The following NRXN1 variants were observed in gnomAD, a reference collection of about 807,000 sequenced individuals.
NRXN1 encodes neurexin-1.
NRXN1 carries 39 observed loss-of-function variants against 150.9 expected under a neutral mutation model. That is an observed-to-expected ratio of 0.26 (90% CI 0.20 to 0.34). The LOEUF is 0.34. NRXN1 is among the 10% of genes least tolerant of loss of function. The pLI, the probability that NRXN1 is intolerant of heterozygous loss-of-function variation, is 1.00. For missense variants in NRXN1, 1,815 were observed against 1,949.9 expected (o/e 0.93, Z 1.30); for synonymous variants, 924 against 757.0 (o/e 1.22, Z -3.62).
intron 5 of NRXN1, among the ~76,000 whole-genome samples, chr2:50,684,269 G>C (rs562306880): frequency 1.3e-5 from 2 of 152,286 alleles, no homozygotes; most frequent in East Asian, 3.9e-4. Flanking sequence ...GGCCAAGTCA[G>C]AGGCAGGTGG....
intron 21 of NRXN1, among the ~76,000 whole-genome samples, chr2:50,032,720 G>T (rs896723689): frequency 4.0e-5 from 6 of 151,852 alleles, no homozygotes; most frequent in African/African-American, 1.2e-4. Flanking sequence ...GTGTCCTTAT[G>T]AGAATAAAAA....
intron 2 of NRXN1, among the ~76,000 whole-genome samples, chr2:51,023,618 A>AATTT (rs1266921136): frequency 1.3e-5 from 2 of 152,218 alleles, no homozygotes; most frequent in African/African-American, 4.8e-5. Context: ...CCACAGTTTT[A>AATTT]AGCTTCATTT....
chr2:50,886,408 G>C (rs903984681), intron 5 of NRXN1, among the ~76,000 whole-genome samples: 14 of 151,250 alleles, frequency 9.3e-5, no homozygotes, highest in Non-Finnish European at 4.4e-5. Context: ...TGGCTTGTTT[G>C]TTTTATATAA....
chr2:50,171,065 G>T (rs1026450200), intron 18 of NRXN1, among the ~76,000 whole-genome samples: 7 of 152,226 alleles, frequency 4.6e-5, no homozygotes, highest in African/African-American at 1.4e-4. Flanking sequence ...ACTTCATTAG[G>T]TGGAAATTAA....
chr2:50,708,899 T>C (rs537481071), intron 5 of NRXN1, among the ~76,000 whole-genome samples: 1 of 152,280 alleles, frequency 6.6e-6, no homozygotes, highest in Admixed American at 6.5e-5. Flanking sequence ...CTTCCAGCCA[T>C]AGCTCAATCC....
At position 50,660,209 on chromosome 2, in the gene NRXN1, T is replaced by A. The variant is rs147593362; in HGVS notation, c.833-36594A>T. Among the ~76,000 whole-genome samples the A allele has an allele frequency of 1.4e-3, 209 of 152,126 alleles. 1 individual carries two copies. The highest frequency in any genetic ancestry group is 4.7e-3 in the African/African-American group (196 of 41,536). Reference sequence around the variant, plus strand: ...ATATTCTTTGTGGTAACTTTCAACATCCCCATTTCACAGATGAGGAAATAG... The same window carrying A: ...ATATTCTTTGTGGTAACTTTCAACAACCCCATTTCACAGATGAGGAAATAG... On this transcript the variant is annotated intron_variant, in intron 5 of 22. Coordinates refer to ENST00000401669, the MANE Select transcript of NRXN1 (RefSeq NM_001330078.2).
intron 17 of NRXN1, among the ~76,000 whole-genome samples, chr2:50,278,262 TATTATATATGTATTATATATATA>T (rs2070868889): frequency 9.7e-6 from 1 of 103,098 alleles, no homozygotes; most frequent in Non-Finnish European, 1.8e-5. Context: ...ATATTATATA[TATTATATATGTATTATATATATA>T]ATACATATAT....
chr2:50,494,540 T>G (rs1408161838), intron 15 of NRXN1, among the ~76,000 whole-genome samples: 1 of 152,194 alleles, frequency 6.6e-6, no homozygotes, highest in Non-Finnish European at 1.5e-5. Context: ...GCCAAGCTAT[T>G]AGATTTGTGG....
intron 5 of NRXN1, among the ~76,000 whole-genome samples, chr2:50,870,029 A>C (rs1311026252): frequency 6.6e-6 from 1 of 151,876 alleles, no homozygotes; most frequent in Non-Finnish European, 1.5e-5. Flanking sequence ...TCATTTCTAC[A>C]TTCTAGGTAC....
At chr2:50,707,117 G>A (rs957051763) in intron 5 of NRXN1, among the ~76,000 whole-genome samples, 13 of 152,102 alleles carry the variant, frequency 8.5e-5, no homozygotes, top group African/African-American at 3.1e-4. Context: ...AGGAAAATAG[G>A]TGTGTATGTA....
At chr2:50,756,033 A>G (rs1178225372) in intron 5 of NRXN1, among the ~76,000 whole-genome samples, 1 of 151,832 alleles carries the variant, frequency 6.6e-6, no homozygotes, top group Non-Finnish European at 1.5e-5. Context: ...GAACAGGCCT[A>G]CTTAATTTGA....
chr2:50,807,691 C>T (rs990985872), intron 5 of NRXN1, among the ~76,000 whole-genome samples: 4 of 152,082 alleles, frequency 2.6e-5, no homozygotes, highest in African/African-American at 9.7e-5. Flanking sequence ...TAGATCTGAC[C>T]TAACAATGAT....
rs1182597962 is a variant in NRXN1, at chr2:50,436,449, G to T, written c.3364+28993C>A. On this transcript the variant is annotated intron_variant, in intron 17 of 22. Coordinates refer to ENST00000401669, the MANE Select transcript of NRXN1 (RefSeq NM_001330078.2). ...GCCTGGGCAACAAGAGTGAAACTCCGTCTCAAGGAAAAAAAAAAAAAATAC... is the reference window on the plus strand; with the variant it reads ...GCCTGGGCAACAAGAGTGAAACTCCTTCTCAAGGAAAAAAAAAAAAAATAC... Among the ~76,000 whole-genome samples, 5 of 140,294 alleles carry T rather than the reference G, an allele frequency of 3.6e-5. No individual in the cohort carries two copies. In the South Asian group the frequency reaches 1.2e-3, roughly 32 times the overall value. 92.0% of individuals were successfully genotyped at this position (140,294 alleles called of 152,430 possible).
intron 17 of NRXN1, among the ~76,000 whole-genome samples, chr2:50,281,533 A>G (rs1326707807): frequency 6.6e-6 from 1 of 152,002 alleles, no homozygotes; most frequent in Non-Finnish European, 1.5e-5. Flanking sequence ...GAGAAAACAC[A>G]TTAGAAAATA....
chr2:49,923,210 A>T (rs17039452), intron 22 of NRXN1, among the ~76,000 whole-genome samples: 21,970 of 152,036 alleles, frequency 0.14, 2,074 homozygotes, highest in East Asian at 0.23. Context: ...ATATGAGGAG[A>T]AGGGGCAGCT....
chr2:50,009,500 C>T (rs923648450), intron 21 of NRXN1, among the ~76,000 whole-genome samples: 7 of 152,240 alleles, frequency 4.6e-5, no homozygotes, highest in South Asian at 2.1e-4. Context: ...ACAAGCTGTC[C>T]TCAGTGGCTT....
chr2:50,805,596 C>T (rs773935494), intron 5 of NRXN1, among the ~76,000 whole-genome samples: 1 of 151,952 alleles, frequency 6.6e-6, no homozygotes, highest in Non-Finnish European at 1.5e-5. Context: ...GCCAAGATCA[C>T]GCCACCACAC....
intron 18 of NRXN1, among the ~76,000 whole-genome samples, chr2:50,127,671 T>C (rs1295185096): frequency 6.6e-6 from 1 of 152,180 alleles, no homozygotes; most frequent in Non-Finnish European, 1.5e-5. Context: ...AAGACAGCAA[T>C]GACCAGGAAG....
chr2:50,906,863 C>T (rs907934956), intron 5 of NRXN1, among the ~76,000 whole-genome samples: 6 of 152,064 alleles, frequency 3.9e-5, no homozygotes, highest in Non-Finnish European at 8.8e-5. Flanking sequence ...ACATGTGTTG[C>T]GGCTCAGAAC....
Sources: gnomAD v4.1 joint callset for allele counts (sites outside exome capture counted in the v4.1 genomes callset) on GRCh38, gnomAD v4.1.1 for gene constraint, MANE v1.5 for transcripts, NCBI Gene and HGNC (gene_info 2026-07-23, HGNC 2026-07-21) for gene names.